Variants in AGBL1 observed in about 807,000 individuals in gnomAD.
AGBL1 encodes the protein cytosolic carboxypeptidase 4.
Under a neutral mutation model 118.9 loss-of-function variants are expected in AGBL1, and 130 were observed. That is an observed-to-expected ratio of 1.09 (90% CI 0.95 to 1.26). AGBL1 has a LOEUF of 1.26. Ranked by LOEUF, AGBL1 falls within the 50% of genes most tolerant of loss-of-function variation. The pLI is 0.00. For missense variants in AGBL1, 1,584 were observed against 1,298.1 expected, an observed-to-expected ratio of 1.22 and a Z score of -3.38; for synonymous variants, 555 against 478.9, an observed-to-expected ratio of 1.16 and a Z score of -2.08.
At chr15:86,441,569 A>C (rs1007312613) in intron 18 of AGBL1, among the ~76,000 whole-genome samples, 1 of 152,220 alleles carries the variant, frequency 6.6e-6, no homozygotes, top group African/African-American at 2.4e-5. Context: ...GGTATCCGTA[A>C]AGGCAGACCC....
rs1457716011 is a variant in AGBL1, at chr15:86,827,485, GTGTGTATATATA to G, written c.3159-79600_3159-79589del. ...TATATATATACATATATATATATAT[GTGTGTATATATA>G]TATATATATATATATATATATATAG... On this transcript the variant is annotated intron_variant, in intron 22 of 22. Transcript: ENST00000614907. 3.4e-3 allele frequency among the ~76,000 whole-genome samples: 13 copies of G among 3,864 alleles called. 2 individuals are homozygous for G. In the East Asian group the frequency reaches 0.041, roughly 12 times the overall value. The allele number at this position is 3,864 out of a possible 152,430, so 2.5% of individuals were successfully genotyped here. A position where few individuals can be genotyped will look rare whatever the true frequency, so the allele number is the denominator to read the frequency against.
chr15:86,572,085 A>G (rs2084017989), intron 21 of AGBL1, among the ~76,000 whole-genome samples: 1 of 152,170 alleles, frequency 6.6e-6, no homozygotes, highest in South Asian at 2.1e-4. Context: ...AGGCTGTGAC[A>G]TTGCCCAGGC....
At chr15:86,161,448 G>A (rs1371778837) in intron 5 of AGBL1, among the ~76,000 whole-genome samples, 2 of 152,154 alleles carry the variant, frequency 1.3e-5, no homozygotes, top group African/African-American at 4.8e-5. Context: ...TAACATGCTG[G>A]GTTTTAAGTG....
intron 22 of AGBL1, among the ~76,000 whole-genome samples, chr15:86,708,623 C>A (rs368887785): frequency 6.6e-6 from 1 of 152,094 alleles, no homozygotes; most frequent in East Asian, 1.9e-4. Context: ...AAAATCTTTG[C>A]AAAAGCCCTG....
intron 18 of AGBL1, among the ~76,000 whole-genome samples, chr15:86,459,552 A>T (rs1371986227): frequency 6.6e-6 from 1 of 152,174 alleles, no homozygotes; most frequent in Admixed American, 6.5e-5. Flanking sequence ...ATTTGGGAAT[A>T]AAAAACTTAA....
At chr15:86,616,647 T>C (rs1229527127) in intron 21 of AGBL1, among the ~76,000 whole-genome samples, 1 of 152,240 alleles carries the variant, frequency 6.6e-6, no homozygotes, top group Non-Finnish European at 1.5e-5. Context: ...GATGTTTCTA[T>C]AGAGTCATAG....
chr15:86,890,403 C>T (rs1419862866), intron 22 of AGBL1, among the ~76,000 whole-genome samples: 5 of 152,076 alleles, frequency 3.3e-5, no homozygotes, highest in African/African-American at 4.8e-5. Context: ...TTTAATTAGA[C>T]TCCATTTGTC....
intron 22 of AGBL1, among the ~76,000 whole-genome samples, chr15:86,723,307 A>G (rs964140479): frequency 2.0e-5 from 3 of 152,370 alleles, no homozygotes; most frequent in East Asian, 1.9e-4. Context: ...CATATACACC[A>G]TGGAATAGTA....
At chr15:87,022,324 A>G (rs2081673829) in intron 24 of AGBL1, among the ~76,000 whole-genome samples, 1 of 152,048 alleles carries the variant, frequency 6.6e-6, no homozygotes, top group African/African-American at 2.4e-5. Context: ...GAACTCCCTG[A>G]TTTACCTGAA....
intron 23 of AGBL1, among the ~76,000 whole-genome samples, chr15:86,958,908 C>T (rs945219377): frequency 6.6e-6 from 1 of 152,008 alleles, no homozygotes; most frequent in Non-Finnish European, 1.5e-5. Flanking sequence ...AAATATAATA[C>T]CACAAGAAGG....
At position 86,337,665 on chromosome 15, in the gene AGBL1, A is replaced by G. The variant is rs146694679; in HGVS notation, c.2374+42257A>G. ...AGTGGGAGCTGAACAATGAGAGCAC[A>G]TGGACACAGGGAGGGGAAAAACACT... On this transcript the variant is annotated intron_variant, in intron 17 of 22. Coordinates refer to ENST00000614907, the MANE Select transcript of AGBL1 (RefSeq NM_001386094.1). Among the ~76,000 whole-genome samples, 994 of 152,272 alleles carry G rather than the reference A, an allele frequency of 6.5e-3. 79 individuals carry two copies. The East Asian group carries it at 0.16, about 25-fold the overall frequency.
rs144805418 is a variant in AGBL1 at position 86,464,739 on chromosome 15, C to T, written c.2556-58071C>T. Among the ~76,000 whole-genome samples, 211 of 152,160 alleles carry T rather than the reference C, an allele frequency of 1.4e-3. 1 individual carries two copies. The highest frequency in any genetic ancestry group is 4.8e-3 in the African/African-American group (200 of 41,512). Reference sequence around the variant, plus strand: ...TTGGTTTGGTTTATTTGATGGATTACGTTTATTGATTTGCATATGTTGAAC... The same window carrying T: ...TTGGTTTGGTTTATTTGATGGATTATGTTTATTGATTTGCATATGTTGAAC... On this transcript the variant is annotated intron_variant, in intron 18 of 22. Coordinates refer to ENST00000614907, the MANE Select transcript of AGBL1 (RefSeq NM_001386094.1).
In AGBL1 at chr15:86,911,949, A is replaced by C. The variant is rs2080357802; in HGVS notation, c.*4655A>C. ...ATTCACCATTGAATAGTGAGCTCTA[A>C]AGTGCACAAACCTGCTATTATCTTG... On this transcript the variant is annotated 3_prime_UTR_variant, in exon 23 of 23. Coordinates refer to ENST00000614907, the MANE Select transcript of AGBL1 (RefSeq NM_001386094.1). 6.6e-6 allele frequency: 1 copy of C among 152,074 alleles called. No individual in the cohort carries two copies. Among genetic ancestry groups the C allele is most frequent in the African/African-American group, 2.4e-5 (1 of 41,392 alleles). 9.4% of individuals were successfully genotyped at this position (152,074 alleles called of 1,614,324 possible).
chr15:87,012,303 C>T (rs1001619096), intron 24 of AGBL1, among the ~76,000 whole-genome samples: 1 of 150,966 alleles, frequency 6.6e-6, no homozygotes, highest in Non-Finnish European at 1.5e-5. Context: ...TAACATAAAG[C>T]TAATTCCTTG....
intron 18 of AGBL1, among the ~76,000 whole-genome samples, chr15:86,508,310 T>G (rs2083006119): frequency 6.6e-6 from 1 of 152,002 alleles, no homozygotes; most frequent in Admixed American, 6.6e-5. Context: ...TGGATAGAAT[T>G]GAAACCAACA....
At chr15:86,834,012 A>G (rs1160749930) in intron 22 of AGBL1, among the ~76,000 whole-genome samples, 1 of 152,110 alleles carries the variant, frequency 6.6e-6, no homozygotes, top group Non-Finnish European at 1.5e-5. Flanking sequence ...TCATAAGCCC[A>G]TATTAGGCTT....
chr15:86,626,433 C>G (rs1490534945), intron 21 of AGBL1, among the ~76,000 whole-genome samples: 1 of 152,140 alleles, frequency 6.6e-6, no homozygotes, highest in Non-Finnish European at 1.5e-5. Context: ...AGCACGTTCT[C>G]ACTTTAAGTA....
intron 22 of AGBL1, among the ~76,000 whole-genome samples, chr15:86,779,213 CA>C (rs1232754751): frequency 3.9e-5 from 6 of 152,186 alleles, no homozygotes; most frequent in Admixed American, 3.9e-4. Context: ...TTGCCCTTCC[CA>C]CCATGTGAGG....
chr15:86,735,374 C>A (rs2077577999), intron 22 of AGBL1, among the ~76,000 whole-genome samples: 1 of 152,096 alleles, frequency 6.6e-6, no homozygotes, highest in Non-Finnish European at 1.5e-5. Flanking sequence ...AGGCATGGCA[C>A]CCAGCTGGCT....
Sources: gnomAD v4.1 joint callset for allele counts (sites outside exome capture counted in the v4.1 genomes callset) on GRCh38, gnomAD v4.1.1 for gene constraint, MANE v1.5 for transcripts, NCBI Gene and HGNC (gene_info 2026-07-23, HGNC 2026-07-21) for gene names.